BOK: variants seen among roughly 807,000 people sequenced by gnomAD.
BOK encodes the protein BCL2 family apoptosis regulator BOK.
A neutral mutation model predicts 18.3 loss-of-function variants in BOK; 20 were observed. That is an observed-to-expected ratio of 1.09 (90% confidence interval 0.77 to 1.59). The LOEUF (loss-of-function observed/expected upper bound fraction) is 1.59, where lower values mean the gene tolerates loss of function less well. BOK is among the 40% of genes most tolerant of loss of function. The probability of loss-of-function intolerance (pLI) is 0.00; values close to 1 mark genes in which losing one functional copy is unlikely to be tolerated. For synonymous variants in BOK, 173 were observed against 142.4 expected (o/e 1.21, Z -1.53); for missense variants, 348 against 307.9 (o/e 1.13, Z -0.97).
At position 241,565,599 on chromosome 2, in the gene BOK, A is replaced by T. The variant is rs182021225; in HGVS notation, c.349+3123A>T. Among the ~76,000 whole-genome samples the T allele has an allele frequency of 2.9e-3, 434 of 152,190 alleles. 2 individuals are homozygous for T. Among genetic ancestry groups the T allele is most frequent in the Non-Finnish European group, 5.2e-3 (352 of 68,014 alleles). On this transcript the variant is annotated intron_variant, in intron 3 of 4. Coordinates refer to ENST00000318407, the MANE Select transcript of BOK (RefSeq NM_032515.5). ...CGGTCTTCCTCCCTCTCCTCCTCTT[A>T]GCAGGCGCCCTTGAGGGTGTGCGCC...
chr2:241,572,496 C>T lies in BOK; in HGVS notation c.*74C>T. 1.3e-6 allele frequency: 2 copies of T among 1,528,334 alleles called. No individual in the cohort carries two copies. The highest frequency in any genetic ancestry group is 1.8e-6 in the Non-Finnish European group (2 of 1,140,154). 94.7% of individuals were successfully genotyped at this position (1,528,334 alleles called of 1,614,324 possible). A position where few individuals can be genotyped will look rare whatever the true frequency, so the allele number is the denominator to read the frequency against. On this transcript the variant is annotated 3_prime_UTR_variant, in exon 5 of 5. Transcript: ENST00000318407. ...GGAGGCCCTCAGCACCCGAACACAT[C>T]TTCCTCCTCCCCACCCGAGCCTGGA... is the stretch of plus-strand genomic sequence containing the variant.
At chr2:241,565,623 C>T (rs955039968) in intron 3 of BOK, among the ~76,000 whole-genome samples, 1 of 152,224 alleles carries the variant, frequency 6.6e-6, no homozygotes, top group African/African-American at 2.4e-5. Context: ...AGGGTGTGCG[C>T]CCTGCCCAGC....
chr2:241,554,164 C>A (rs1168699266), upstream of BOK, among the ~76,000 whole-genome samples: 2 of 152,204 alleles, frequency 1.3e-5, no homozygotes, highest in Non-Finnish European at 2.9e-5. Flanking sequence ...AGGAGGACAA[C>A]CAGGATGCTC....
At chr2:241,564,965 G>T (rs955837135) in intron 3 of BOK, among the ~76,000 whole-genome samples, 3 of 152,172 alleles carry the variant, frequency 2.0e-5, no homozygotes, top group African/African-American at 7.2e-5. Flanking sequence ...GCAGGGCCTG[G>T]CCTGAGGTGG....
At chr2:241,551,921 G>A (rs1455563571) in intron 1 of BOK, among the ~76,000 whole-genome samples, 1 of 151,772 alleles carries the variant, frequency 6.6e-6, no homozygotes, top group African/African-American at 2.4e-5. Context: ...GTGACCCGTG[G>A]GGTGGGGTGG....
Position 241,572,553 on chromosome 2 carries a change from C to A in BOK, c.*131C>A. ...TAACCCTCGGAGACCCCCTAAGCCC[C>A]GTTCCTCCGCAGACCCAGGCCCTCC... On this transcript the variant is annotated 3_prime_UTR_variant, in exon 5 of 5. Transcript: ENST00000318407. 1 of 1,368,692 alleles carries A rather than the reference C, an allele frequency of 7.3e-7. No individual in the cohort carries two copies. Among genetic ancestry groups the A allele is most frequent in the Non-Finnish European group, 9.8e-7 (1 of 1,021,382 alleles). The allele number at this position is 1,368,692 out of a possible 1,614,324, so 84.8% of individuals were successfully genotyped here. A position where few individuals can be genotyped will look rare whatever the true frequency, so the allele number is the denominator to read the frequency against.
intron 3 of BOK, among the ~76,000 whole-genome samples, chr2:241,569,831 C>T (rs2066677466): frequency 6.6e-6 from 1 of 152,234 alleles, no homozygotes; most frequent in Non-Finnish European, 1.5e-5. Context: ...CGTGAGGTCA[C>T]TGGCTGCTCA....
rs149453544 is a variant in BOK, at chr2:241,571,333, G to A, written c.514-964G>A. Among the ~76,000 whole-genome samples the A allele has an allele frequency of 7.8e-3, 1,187 of 152,258 alleles. 26 individuals carry two copies. Among genetic ancestry groups the A allele is most frequent in the African/African-American group, 0.027 (1,134 of 41,536 alleles). On this transcript the variant is annotated intron_variant, in intron 4 of 4. Transcript: ENST00000318407. ...AGACCGCAGTTGCCGCTGGGCCCTG[G>A]GTGTGGAGGGTGGCTCCCCTGCCGA...
intron 3 of BOK, among the ~76,000 whole-genome samples, chr2:241,564,658 G>T (rs955994379): frequency 3.3e-5 from 5 of 152,124 alleles, no homozygotes; most frequent in African/African-American, 1.2e-4. Flanking sequence ...CCCTCCTGCC[G>T]CCAGGGTGAC....
chr2:241,561,292 C>T (rs2066523921), intron 2 of BOK, among the ~76,000 whole-genome samples: 1 of 152,268 alleles, frequency 6.6e-6, no homozygotes, highest in Non-Finnish European at 1.5e-5. Context: ...GCCAAGGGTG[C>T]CACAGGCAGC....
At chr2:241,560,217 G>A in intron 2 of BOK, 1 of 985,446 alleles carries the variant, frequency 1.0e-6, no homozygotes, top group Non-Finnish European at 1.2e-6. Flanking sequence ...GGGGGTGCTC[G>A]GTTCTGGGGT....
chr2:241,553,752 G>A (rs74448513), upstream of BOK, among the ~76,000 whole-genome samples: 953 of 152,308 alleles, frequency 6.3e-3, 6 homozygotes, highest in Middle Eastern at 0.041. Context: ...TTTGACGGGA[G>A]ATTTGAGCTG....
rs1238064211 is a variant in BOK at position 241,562,553 on chromosome 2, C to T, written c.349+77C>T. On this transcript the variant is annotated intron_variant, in intron 3 of 4. Coordinates refer to ENST00000318407, the MANE Select transcript of BOK (RefSeq NM_032515.5). The surrounding 1 kb of genome is among the most constrained non-coding windows in gnomAD (Gnocchi z 4.5). The stretch of plus-strand genomic sequence containing the variant: ...GTGGCTCAGGCTCACAGGGACCCCA[C>T]GAGCTGGCCCCCACCCATCCTGGCG... 24 of 1,497,948 alleles carry T rather than the reference C, an allele frequency of 1.6e-5. No homozygotes were observed. Among genetic ancestry groups the T allele is most frequent in the African/African-American group, 2.8e-5 (2 of 71,942 alleles). 92.8% of individuals were successfully genotyped at this position (1,497,948 alleles called of 1,614,324 possible). A position where few individuals can be genotyped will look rare whatever the true frequency, so the allele number is the denominator to read the frequency against.
upstream of BOK, among the ~76,000 whole-genome samples, chr2:241,557,905 T>C (rs570883491): frequency 6.6e-6 from 1 of 152,322 alleles, no homozygotes; most frequent in African/African-American, 2.4e-5. Context: ...ATGGTCTATT[T>C]CGATAAACAT....
intron 3 of BOK, 81 bp from the exon 4 acceptor site, chr2:241,570,044 C>T (rs2066684116): frequency 4.7e-6 from 7 of 1,485,330 alleles, no homozygotes; most frequent in Non-Finnish European, 4.5e-6. Flanking sequence ...AGGACAGCGG[C>T]TCAGAGAGGC....
intron 2 of BOK, 22 bp downstream of exon 2, chr2:241,559,725 C>A (rs978636207): frequency 1.6e-6 from 2 of 1,289,268 alleles, no homozygotes; most frequent in Admixed American, 8.4e-5. Flanking sequence ...CTGGTGGGAT[C>A]CCCAGCTGCG....
chr2:241,559,762 C>T (rs1050381311), intron 2 of BOK, 59 bp downstream of exon 2: 5 of 1,270,576 alleles, frequency 3.9e-6, no homozygotes, highest in Non-Finnish European at 4.0e-6. Flanking sequence ...GCCGCAGCCT[C>T]CCTCCGAGGC....
chr2:241,560,049 C>T, intron 2 of BOK: 2 of 984,300 alleles, frequency 2.0e-6, no homozygotes, highest in Non-Finnish European at 2.4e-6. Flanking sequence ...GCACGTGTCC[C>T]GATGTTTATT....
At chr2:241,563,043 G>A (rs952161671) in intron 3 of BOK, among the ~76,000 whole-genome samples, 2 of 152,166 alleles carry the variant, frequency 1.3e-5, no homozygotes, top group Non-Finnish European at 2.9e-5. Context: ...ACTGGCTCCC[G>A]GAGGGCATCC....
Sources: gnomAD v4.1 joint callset for allele counts (sites outside exome capture counted in the v4.1 genomes callset) on GRCh38, gnomAD v4.1.1 for gene constraint, Gnocchi (gnomAD v3.1) non-coding constraint, MANE v1.5 for transcripts, NCBI Gene and HGNC (gene_info 2026-07-23, HGNC 2026-07-21) for gene names.